NUCB2: variants seen among roughly 807,000 people sequenced by gnomAD.
NUCB2 encodes nucleobindin 2, also known as nucleobindin-2.
A neutral mutation model predicts 57.9 loss-of-function variants in NUCB2; 48 were observed. The observed-to-expected ratio is 0.83, with a 90% CI of 0.66 to 1.05. The LOEUF (loss-of-function observed/expected upper bound fraction) is 1.05. Ranked by LOEUF, NUCB2 falls within the 50% of genes least tolerant of loss-of-function variation. The probability of loss-of-function intolerance (pLI) is 0.00; values close to 1 mark genes in which losing one functional copy is unlikely to be tolerated. For missense variants in NUCB2, 442 were observed against 476.2 expected (o/e 0.93, Z 0.67); for synonymous variants, 139 against 152.1 (o/e 0.91, Z 0.64).
intron 4 of NUCB2, 103 bp from the exon 5 acceptor site, chr11:17,301,641 A>C (rs1475896359): frequency 2.9e-6 from 2 of 701,300 alleles, no homozygotes; most frequent in Non-Finnish European, 4.7e-6. Flanking sequence ...AAATTAGTCA[A>C]AAGTATTTAT....
chr11:17,330,956 C>A lies in NUCB2; in HGVS notation c.1228C>A (p.Pro410Thr). 1.2e-6 allele frequency: 2 copies of A among 1,609,854 alleles called. No individual in the cohort carries two copies. The highest frequency in any genetic ancestry group is 1.7e-6 in the Non-Finnish European group (2 of 1,177,318). The change falls in exon 13 of 14, where the codon CCA becomes ACA. Residue 410 changes from proline (P) to threonine (T), a missense_variant. Pro to Thr is a conservative substitution (Grantham distance 38). Coordinates refer to ENST00000529010, the MANE Select transcript of NUCB2 (RefSeq NM_005013.4). The surrounding 1 kb of genome is among the most constrained non-coding windows in gnomAD (Gnocchi z 4.3). Reference sequence around the variant, plus strand: ...ACAACAAGGAATTCCTCCATCAGGGCCAGCTGGAGAATTGAAGTTTGAGCC... The same window carrying A: ...ACAACAAGGAATTCCTCCATCAGGGACAGCTGGAGAATTGAAGTTTGAGCC... ...KLQQGIPPSG[P>T]AGELKFEPHI is the part of the protein sequence containing the mutation.
intron 2 of NUCB2, chr11:17,286,727 CCTT>C (rs1486479087): frequency 3.9e-5 from 6 of 152,174 alleles, no homozygotes; most frequent in African/African-American, 7.2e-5. Context: ...GGTTAGTTCT[CCTT>C]CTTCCTATTG....
At chr11:17,313,257 T>C (rs1313135732) in intron 10 of NUCB2, among the ~76,000 whole-genome samples, 1 of 151,918 alleles carries the variant, frequency 6.6e-6, no homozygotes, top group Non-Finnish European at 1.5e-5. Flanking sequence ...GGGCTGGGCA[T>C]GATAGCTCAT....
intron 2 of NUCB2, among the ~76,000 whole-genome samples, chr11:17,291,790 A>G (rs1235390625): frequency 2.6e-5 from 4 of 152,092 alleles, no homozygotes; most frequent in Non-Finnish European, 4.4e-5. Flanking sequence ...TTTGTTTCCA[A>G]AGTGTGAAAC....
At chr11:17,336,708 C>A (rs1039430208), downstream of NUCB2, among the ~76,000 whole-genome samples, 1 of 119,880 alleles carries the variant, frequency 8.3e-6, no homozygotes, top group Non-Finnish European at 1.6e-5. Context: ...GAGCCGAGAT[C>A]GCGCCACTGC....
At chr11:17,338,654 T>A (rs1470108248) in intron 2 of NUCB2, among the ~76,000 whole-genome samples, 1 of 152,128 alleles carries the variant, frequency 6.6e-6, no homozygotes, top group East Asian at 1.9e-4. Context: ...TCTGTAGAAT[T>A]TTTATTTTTA....
intron 2 of NUCB2, chr11:17,349,243 C>T (rs914077821): frequency 2.0e-5 from 3 of 152,218 alleles, no homozygotes; most frequent in South Asian, 2.1e-4. Context: ...AAAATGGGCT[C>T]AGCTCCTTTA....
chr11:17,315,552 C>T, intron 11 of NUCB2, 77 bp downstream of exon 11: 2 of 791,778 alleles, frequency 2.5e-6, no homozygotes, highest in South Asian at 1.9e-5. Context: ...AACTTTTATT[C>T]CCCATTATGT....
chr11:17,325,546 T>C (rs1050702481), intron 11 of NUCB2, among the ~76,000 whole-genome samples: 1 of 152,258 alleles, frequency 6.6e-6, no homozygotes, highest in East Asian at 1.9e-4. Context: ...TCCATCTCTT[T>C]ATTTTCAGTC....
intron 1 of NUCB2, among the ~76,000 whole-genome samples, 194 bp from the exon 2 acceptor site, chr11:17,282,595 T>A (rs1281529584): frequency 6.6e-6 from 1 of 152,072 alleles, no homozygotes; most frequent in Non-Finnish European, 1.5e-5. Context: ...TGATTCTGTT[T>A]ATTTCATGTA....
chr11:17,319,660 A>G (rs1591507645), intron 11 of NUCB2, among the ~76,000 whole-genome samples: 2 of 152,220 alleles, frequency 1.3e-5, no homozygotes, highest in East Asian at 3.8e-4. Context: ...ATCAATATAT[A>G]TTAAAACTCA....
At chr11:17,325,749 TCTTC>T (rs762448062) in intron 11 of NUCB2, among the ~76,000 whole-genome samples, 35 of 152,204 alleles carry the variant, frequency 2.3e-4, no homozygotes, top group Non-Finnish European at 4.4e-4. Flanking sequence ...GTCTTCTTTT[TCTTC>T]CTTCCTGTCT....
chr11:17,308,665 C>G (rs1046588437), intron 5 of NUCB2, among the ~76,000 whole-genome samples: 10 of 152,162 alleles, frequency 6.6e-5, no homozygotes, highest in African/African-American at 2.4e-4. Context: ...CATGTGTCCA[C>G]TATGTAATAC....
exon 3 of NUCB2, chr11:17,349,661 C>G (rs1953051841): frequency 6.6e-6 from 1 of 152,150 alleles, no homozygotes; most frequent in East Asian, 1.9e-4. Context: ...TTTTATTGAT[C>G]CCTGTGCCCA....
At chr11:17,306,924 A>T (rs1261683410) in intron 5 of NUCB2, among the ~76,000 whole-genome samples, 1 of 151,920 alleles carries the variant, frequency 6.6e-6, no homozygotes, top group East Asian at 2.0e-4. Flanking sequence ...AAAAAAAAAA[A>T]AAGAAAAGAA....
intron 2 of NUCB2, among the ~76,000 whole-genome samples, chr11:17,285,194 A>C (rs374952503): frequency 6.6e-6 from 1 of 151,654 alleles, no homozygotes; most frequent in Non-Finnish European, 1.5e-5. Context: ...TTGGGAGGCC[A>C]AGGCGGGCAG....
At chr11:17,289,130 G>T (rs893954928) in intron 2 of NUCB2, among the ~76,000 whole-genome samples, 1 of 151,186 alleles carries the variant, frequency 6.6e-6, no homozygotes, top group African/African-American at 2.4e-5. Flanking sequence ...CTAATTTTTT[G>T]TATTTTTAGT....
At chr11:17,327,382 A>G (rs1271689142) in intron 11 of NUCB2, among the ~76,000 whole-genome samples, 1 of 151,882 alleles carries the variant, frequency 6.6e-6, no homozygotes, top group Non-Finnish European at 1.5e-5. Flanking sequence ...TTTGTACTTG[A>G]CCTTTGGTAG....
intron 4 of NUCB2, among the ~76,000 whole-genome samples, chr11:17,298,850 C>T (rs1946260436): frequency 2.0e-5 from 3 of 152,040 alleles, no homozygotes; most frequent in South Asian, 4.1e-4. Flanking sequence ...AGGTGTGGGC[C>T]ACCTTGTCTG....
Sources: allele counts gnomAD v4.1 joint callset (sites outside exome capture counted in the v4.1 genomes callset), GRCh38; gene constraint gnomAD v4.1.1; non-coding constraint Gnocchi (gnomAD v3.1); transcripts MANE v1.5; gene names NCBI Gene and HGNC (gene_info 2026-07-23, HGNC 2026-07-21).